The following ZNF728 variants were observed in gnomAD, a reference collection of about 807,000 sequenced individuals.
ZNF728 encodes the protein zinc finger protein 728.
Under a neutral mutation model 12.5 loss-of-function variants are expected in ZNF728, and 12 were observed. The observed-to-expected ratio is 0.96, with a 90% CI of 0.61 to 1.55. ZNF728 has a LOEUF of 1.55. Among genes scored for constraint, ZNF728 ranks in the 40% most tolerant of loss-of-function variants. The pLI, the probability that ZNF728 is intolerant of heterozygous loss-of-function variation, is 0.00. For synonymous variants in ZNF728, 205 were observed against 240.7 expected, an observed-to-expected ratio of 0.85 and a Z score of 1.37; for missense variants, 692 against 719.2, an observed-to-expected ratio of 0.96 and a Z score of 0.43.
chr19:22,981,195 G>C (rs924608225), intron 3 of ZNF728, among the ~76,000 whole-genome samples: 4 of 152,076 alleles, frequency 2.6e-5, no homozygotes, highest in African/African-American at 9.7e-5. Context: ...TAATAAAGGG[G>C]ACATCAGCAC....
At chr19:22,987,217 T>C in intron 3 of ZNF728, 91 bp downstream of exon 3, 15 of 1,182,246 alleles carry the variant, frequency 1.3e-5, no homozygotes, top group Non-Finnish European at 1.7e-5. Context: ...CTATTTCTTT[T>C]GGAACACAGC....
chr19:22,992,693 C>T (rs1969003846), intron 1 of ZNF728, among the ~76,000 whole-genome samples: 1 of 152,164 alleles, frequency 6.6e-6, no homozygotes, highest in Non-Finnish European at 1.5e-5. Context: ...TGGGTACCAA[C>T]CAAAGATACT....
intron 1 of ZNF728, among the ~76,000 whole-genome samples, chr19:22,994,136 G>C (rs577327859): frequency 6.6e-6 from 1 of 152,300 alleles, no homozygotes; most frequent in East Asian, 1.9e-4. Flanking sequence ...GTCACTGAAA[G>C]AGGTAAAATG....
In ZNF728 at chr19:22,976,766, G is replaced by A. The variant is rs754794216; in HGVS notation, c.571C>T (p.His191Tyr). 3.4e-5 allele frequency: 55 copies of A among 1,613,288 alleles called. 1 individual carries two copies. In the Admixed American group the frequency reaches 8.5e-4, roughly 25 times the overall value. Residue 191 changes from histidine (H) to tyrosine (Y), a missense_variant, in exon 4 of 4, where the codon CAT becomes TAT. Around this residue, in one of 3 missense-constraint regions of ZNF728, gnomAD observed 440 missense variants for 459.6 expected, o/e 0.96. Coordinates refer to ENST00000594710, the MANE Select transcript of ZNF728 (RefSeq NM_001267716.2). Reference protein sequence around the residue: ...SFCMLSHLSQHKRIYTRENSY... With the variant: ...SFCMLSHLSQYKRIYTRENSY... ...TTCTCTCTAGTATAAATTCTTTTAT[G>A]TTGAGATAGGTGTGAAAGCATGCAA...
intron 1 of ZNF728, among the ~76,000 whole-genome samples, chr19:22,992,706 T>C (rs1969004131): frequency 6.6e-6 from 1 of 152,186 alleles, no homozygotes; most frequent in Non-Finnish European, 1.5e-5. Context: ...AAGATACTTC[T>C]TGTATAAGGG....
At chr19:23,002,344 A>G (rs765833409) in intron 1 of ZNF728, among the ~76,000 whole-genome samples, 23 of 152,170 alleles carry the variant, frequency 1.5e-4, no homozygotes, top group Non-Finnish European at 2.9e-4. Context: ...CATTTTTTGT[A>G]AATTACTATA....
At chr19:22,986,346 A>G (rs1406737658) in intron 3 of ZNF728, among the ~76,000 whole-genome samples, 1 of 152,174 alleles carries the variant, frequency 6.6e-6, no homozygotes, top group Non-Finnish European at 1.5e-5. Context: ...CTGCTTGTAG[A>G]TCATGCAGTG....
At chr19:22,979,242 T>C (rs945004565) in intron 3 of ZNF728, among the ~76,000 whole-genome samples, 3 of 152,028 alleles carry the variant, frequency 2.0e-5, no homozygotes, top group African/African-American at 4.8e-5. Flanking sequence ...GCTGAATCGA[T>C]AAAGTGGAAG....
chr19:22,990,291 C>T (rs1452527261), intron 1 of ZNF728, among the ~76,000 whole-genome samples: 1 of 151,998 alleles, frequency 6.6e-6, no homozygotes, highest in African/African-American at 2.4e-5. Flanking sequence ...TCTCTTTCTC[C>T]TCCTTTTCTA....
rs867030110 is a variant in ZNF728, at chr19:22,987,394, G to A, written c.140C>T (p.Ala47Val). The A allele has an allele frequency of 3.3e-5, 53 of 1,598,480 alleles. No homozygotes were observed. The Middle Eastern group carries it at 3.0e-3, about 90-fold the overall frequency. Reference protein sequence around the residue: ...YRNLVFLGIAAPKPDLIIFLE... With the variant: ...YRNLVFLGIAVPKPDLIIFLE... ...AAAAATGATCAGGTCTGGCTTAGGG[G>A]CAGCAATACCTGTTTTATTAAAAAT... The change falls in exon 3 of 4, where the codon GCC becomes GTC. Residue 47 changes from alanine (A) to valine (V), a missense_variant. Around this residue, in one of 3 missense-constraint regions of ZNF728, gnomAD observed 440 missense variants for 459.6 expected, o/e 0.96. Coordinates refer to ENST00000594710, the MANE Select transcript of ZNF728 (RefSeq NM_001267716.2).
chr19:22,986,345 G>C (rs1968916739), intron 3 of ZNF728, among the ~76,000 whole-genome samples: 2 of 152,032 alleles, frequency 1.3e-5, no homozygotes, highest in East Asian at 1.9e-4. Flanking sequence ...GCTGCTTGTA[G>C]ATCATGCAGT....
At chr19:22,980,708 T>G (rs1032203776) in intron 3 of ZNF728, among the ~76,000 whole-genome samples, 5 of 152,060 alleles carry the variant, frequency 3.3e-5, no homozygotes, top group Non-Finnish European at 7.4e-5. Flanking sequence ...AAATTAGAAC[T>G]CAGGATTAAG....
intron 3 of ZNF728, among the ~76,000 whole-genome samples, chr19:22,984,997 G>C (rs1275227193): frequency 6.6e-6 from 1 of 152,076 alleles, no homozygotes; most frequent in Non-Finnish European, 1.5e-5. Flanking sequence ...GGTCATATGA[G>C]GAGTCATTTA....
chr19:22,998,642 G>T (rs1342136435), intron 1 of ZNF728, among the ~76,000 whole-genome samples: 1 of 152,120 alleles, frequency 6.6e-6, no homozygotes, highest in Non-Finnish European at 1.5e-5. Context: ...GAACTCAGCA[G>T]AACACTGTAG....
intron 1 of ZNF728, 54 bp downstream of exon 1, chr19:23,002,974 C>G: frequency 6.3e-7 from 1 of 1,585,974 alleles, no homozygotes. Flanking sequence ...CACTTCCCAC[C>G]GGTTCCAACC....
chr19:23,000,999 T>C (rs1969108282), intron 1 of ZNF728, among the ~76,000 whole-genome samples: 1 of 151,954 alleles, frequency 6.6e-6, no homozygotes, highest in Admixed American at 6.6e-5. Flanking sequence ...ACTTGAGAGA[T>C]TCTCCCACCC....
rs879023053 is a variant in ZNF728, at chr19:22,988,332, G to A, written c.123C>T (p.Val41=). ...NVMLENYRNL[V]FLGIAAPKPD... is the part of the protein sequence containing the mutation. ...TATTAAAGTTATTCTCACCCAGGAA[G>A]ACCAGGTTTCTGTAGTTCTCTAACA... Residue 41 remains valine (V), a synonymous_variant, in exon 2 of 4, where the codon GTC becomes GTT. Transcript: ENST00000594710. 1.2e-6 allele frequency: 2 copies of A among 1,614,150 alleles called. No individual in the cohort carries two copies. Among genetic ancestry groups the A allele is most frequent in the Non-Finnish European group, 1.7e-6 (2 of 1,180,012 alleles).
At chr19:23,002,830 C>A (rs866422204) in intron 1 of ZNF728, among the ~76,000 whole-genome samples, 198 bp downstream of exon 1, 1 of 152,224 alleles carries the variant, frequency 6.6e-6, no homozygotes, top group Non-Finnish European at 1.5e-5. Context: ...AGGGAAAAGA[C>A]AGGACGCCCG....
intron 1 of ZNF728, among the ~76,000 whole-genome samples, chr19:22,998,508 T>C (rs1045684607): frequency 1.3e-5 from 2 of 152,168 alleles, no homozygotes; most frequent in African/African-American, 2.4e-5. Context: ...TCCCACAACA[T>C]TGTCCTCACT....
Sources: gnomAD v4.1 joint callset for allele counts (sites outside exome capture counted in the v4.1 genomes callset) on GRCh38, gnomAD v4.1.1 for gene constraint, gnomAD v4.1.1 regional missense constraint, MANE v1.5 for transcripts, NCBI Gene and HGNC (gene_info 2026-07-23, HGNC 2026-07-21) for gene names.